Variants in SYNE2 observed in about 807,000 individuals in gnomAD.
The protein encoded by SYNE2 is spectrin repeat containing nuclear envelope protein 2.
Under a neutral mutation model 856.3 loss-of-function variants are expected in SYNE2, and 431 were observed. The observed-to-expected ratio is 0.50, with a 90% CI of 0.47 to 0.55. The LOEUF (loss-of-function observed/expected upper bound fraction) is 0.55. Among genes scored for constraint, SYNE2 ranks in the 20% least tolerant of loss-of-function variants. SYNE2 has a pLI of 0.00. For missense variants in SYNE2, 8,129 were observed against 8,023.2 expected (o/e 1.01, Z -0.50); for synonymous variants, 2,923 against 2,872.3 (o/e 1.02, Z -0.56).
chr14:63,943,108 A>T (rs534747768), intron 6 of SYNE2, among the ~76,000 whole-genome samples: 19 of 152,302 alleles, frequency 1.2e-4, no homozygotes, highest in African/African-American at 4.1e-4. Flanking sequence ...TCTAACCACT[A>T]AAGTTTGTAA....
chr14:63,786,015 C>T (rs1172191710), intron 1 of SYNE2, among the ~76,000 whole-genome samples: 1 of 152,120 alleles, frequency 6.6e-6, no homozygotes, highest in Non-Finnish European at 1.5e-5. Flanking sequence ...CTTTGGGAGG[C>T]TGAGATGGGC....
At position 64,088,666 on chromosome 14, in the gene SYNE2, G is replaced by A. The variant is rs576683069; in HGVS notation, c.11670+810G>A. Among the ~76,000 whole-genome samples the A allele has an allele frequency of 2.0e-5, 3 of 152,286 alleles. No individual in the cohort carries two copies. The East Asian group carries it at 5.8e-4, about 29-fold the overall frequency. ...AGTCCCAAGTCTTTATTTACCAATAGCAAATATTTATTGAGGGGTTGTTAT... is the reference window on the plus strand; with the variant it reads ...AGTCCCAAGTCTTTATTTACCAATAACAAATATTTATTGAGGGGTTGTTAT... On this transcript the variant is annotated intron_variant, in intron 58 of 115. Coordinates refer to ENST00000555002, the MANE Select transcript of SYNE2 (RefSeq NM_182914.3).
At chr14:63,835,298 A>G (rs12894619) in intron 1 of SYNE2, among the ~76,000 whole-genome samples, 9,130 of 152,098 alleles carry the variant, frequency 0.06, 300 homozygotes, top group Middle Eastern at 0.099. Context: ...CAGTGGTCCA[A>G]TCTCAGCTCA....
rs1422835253 is a variant in SYNE2, at chr14:64,170,369, C to A, written c.17142C>A (p.Arg5714=). The change falls in exon 94 of 116, where the codon CGC becomes CGA. Residue 5714 remains arginine, a synonymous_variant. Coordinates refer to ENST00000555002, the MANE Select transcript of SYNE2 (RefSeq NM_182914.3). ...DFTTSVENLF[R]FLTDTSHLLS... is the part of the protein sequence containing the mutation. ...CTACTTCTGTGGAGAACTTGTTTCG[C>A]TTCCTCACTGACACCAGCCACCTGC... 1.9e-6 allele frequency: 3 copies of A among 1,614,038 alleles called. No homozygotes were observed. Among genetic ancestry groups the A allele is most frequent in the African/African-American group, 2.7e-5 (2 of 74,886 alleles).
intron 1 of SYNE2, among the ~76,000 whole-genome samples, chr14:63,797,453 G>A (rs1196632696): frequency 6.6e-6 from 1 of 152,000 alleles, no homozygotes; most frequent in Non-Finnish European, 1.5e-5. Context: ...ATTTGATGTT[G>A]ACAAGTTATT....
chr14:63,940,578 C>T, intron 2 of SYNE2, 36 bp from the exon 3 acceptor site: 1 of 1,608,128 alleles, frequency 6.2e-7, no homozygotes, highest in Non-Finnish European at 8.5e-7. Context: ...TCTGAGGCTT[C>T]TGGTTTTATA....
chr14:64,025,177 A>G lies in SYNE2; in HGVS notation c.6008A>G (p.Tyr2003Cys), dbSNP rs1265685184. 1 of 1,614,146 alleles carries G rather than the reference A, an allele frequency of 6.2e-7. No homozygotes were observed. Among genetic ancestry groups the G allele is most frequent in the Non-Finnish European group, 8.5e-7 (1 of 1,179,998 alleles). Residue 2003 changes from tyrosine (Y) to cysteine (C), a missense_variant, in exon 41 of 116, where the codon TAT becomes TGT. Tyr to Cys is a radical substitution (Grantham distance 194, BLOSUM62 -2). Around this residue, in one of 3 missense-constraint regions of SYNE2, gnomAD observed 2,422 missense variants for 2,357.4 expected, o/e 1.03. Coordinates refer to ENST00000555002, the MANE Select transcript of SYNE2 (RefSeq NM_182914.3). ...VAQLNNSLKE[Y>C]GFTEEEEIIM... ...CAATTGAACAACTCTTTGAAGGAAT[A>G]TGGGTTTACTGAAGAAGAAGAAATA... is the stretch of plus-strand genomic sequence containing the variant.
chr14:63,924,832 G>GTTTTTTTTTTT (rs1491139905), intron 2 of SYNE2, among the ~76,000 whole-genome samples: 1,069 of 92,806 alleles, frequency 0.012, 332 homozygotes, highest in South Asian at 0.017. Flanking sequence ...TCCAGCCTTG[G>GTTTTTTTTTTT]TGTTTTTTTT....
At chr14:64,061,446 T>A (rs1383456035) in intron 49 of SYNE2, among the ~76,000 whole-genome samples, 3 of 152,244 alleles carry the variant, frequency 2.0e-5, no homozygotes, top group African/African-American at 7.2e-5. Flanking sequence ...ACATTTTTAA[T>A]GCCAAATGAT....
At chr14:63,915,321 A>G (rs2095521512) in intron 2 of SYNE2, among the ~76,000 whole-genome samples, 1 of 152,184 alleles carries the variant, frequency 6.6e-6, no homozygotes, top group Admixed American at 6.5e-5. Context: ...TTAAATGGCA[A>G]CTGTAGGCAA....
intron 2 of SYNE2, among the ~76,000 whole-genome samples, chr14:63,927,425 CG>C (rs1401361537): frequency 6.6e-6 from 1 of 152,102 alleles, no homozygotes; most frequent in Non-Finnish European, 1.5e-5. Context: ...TCTTGAATTG[CG>C]CTCCCGTAAT....
intron 20 of SYNE2, 138 bp downstream of exon 20, chr14:63,990,707 C>G (rs749163543): frequency 5.8e-6 from 5 of 861,994 alleles, no homozygotes; most frequent in Non-Finnish European, 9.2e-6. Context: ...TGTTTTATTT[C>G]TTTATAATTT....
At chr14:63,986,804 A>G (rs1447229214) in intron 19 of SYNE2, among the ~76,000 whole-genome samples, 187 bp downstream of exon 19, 1 of 152,190 alleles carries the variant, frequency 6.6e-6, no homozygotes, top group Non-Finnish European at 1.5e-5. Context: ...CAGAGGATAG[A>G]TTAGGAGACC....
intron 85 of SYNE2, among the ~76,000 whole-genome samples, chr14:64,157,730 G>A (rs779217433): frequency 4.6e-5 from 7 of 152,042 alleles, no homozygotes; most frequent in Admixed American, 6.6e-5. Context: ...TTTCCACATC[G>A]TCACCAACAC....
intron 98 of SYNE2, chr14:64,189,088 C>G (rs773062444): frequency 1.5e-6 from 1 of 660,222 alleles, no homozygotes; most frequent in Non-Finnish European, 2.7e-6. Flanking sequence ...AATCCTAGCA[C>G]TTTGGGAGGC....
At chr14:63,921,928 AT>A (rs1322783322) in intron 2 of SYNE2, among the ~76,000 whole-genome samples, 2 of 152,240 alleles carry the variant, frequency 1.3e-5, no homozygotes, top group African/African-American at 4.8e-5. Flanking sequence ...ACACATCTGG[AT>A]TTGAATTTCT....
At chr14:63,851,970 C>T (rs1207268267), upstream of SYNE2, among the ~76,000 whole-genome samples, 1 of 15,806 alleles carries the variant, frequency 6.3e-5, no homozygotes, top group African/African-American at 2.5e-4. Context: ...GTCCCAGCTA[C>T]TAAGCGGGGG....
rs1219727609 is a variant in SYNE2, at chr14:64,038,250, C to G, written c.7221+6893C>G. 4.0e-5 allele frequency among the ~76,000 whole-genome samples: 6 copies of G among 149,974 alleles called. No individual in the cohort carries two copies. In the East Asian group the frequency reaches 1.2e-3, roughly 29 times the overall value. ...CTCACTTCCTAGACAGGATGGCGGC[C>G]GGGAAGAGGCGCTCCTCACTTCCTA... On this transcript the variant is annotated intron_variant, in intron 45 of 115. Transcript: ENST00000555002.
chr14:63,826,729 T>G (rs1337853177), intron 1 of SYNE2, among the ~76,000 whole-genome samples: 1 of 152,166 alleles, frequency 6.6e-6, no homozygotes, highest in Non-Finnish European at 1.5e-5. Flanking sequence ...AATCAATTTA[T>G]AAGAGTTAAA....
Sources: allele counts gnomAD v4.1 joint callset (sites outside exome capture counted in the v4.1 genomes callset), GRCh38; gene constraint gnomAD v4.1.1; regional missense constraint gnomAD v4.1.1; transcripts MANE v1.5; gene names NCBI Gene and HGNC (gene_info 2026-07-23, HGNC 2026-07-21).